EMP2: variants seen among roughly 807,000 people sequenced by gnomAD.
EMP2 encodes epithelial membrane protein 2.
A neutral mutation model predicts 13.7 loss-of-function variants in EMP2; 19 were observed. The observed-to-expected ratio is 1.38, with a 90% CI of 0.97 to 2.03. The LOEUF is 2.03. EMP2 is among the 30% of genes most tolerant of loss of function. EMP2 has a pLI of 0.00. For missense variants in EMP2, 253 were observed against 220.7 expected (o/e 1.15, Z -0.93); for synonymous variants, 97 against 84.7 (o/e 1.15, Z -0.80).
At chr16:10,554,768 C>A (rs1327098154) in intron 1 of EMP2, among the ~76,000 whole-genome samples, 7 of 152,104 alleles carry the variant, frequency 4.6e-5, no homozygotes, top group Non-Finnish European at 1.0e-4. Context: ...TGTCTCGGTT[C>A]CCCTGAACAC....
At chr16:10,572,922 T>C (rs1468991755) in intron 1 of EMP2, among the ~76,000 whole-genome samples, 2 of 152,170 alleles carry the variant, frequency 1.3e-5, no homozygotes, top group African/African-American at 4.8e-5. Flanking sequence ...CCCATCCCCA[T>C]TCCAAAGACA....
intron 1 of EMP2, among the ~76,000 whole-genome samples, chr16:10,552,527 T>C (rs915469545): frequency 5.3e-5 from 8 of 152,196 alleles, no homozygotes; most frequent in African/African-American, 1.7e-4. Flanking sequence ...CAGTCTCCAA[T>C]ACTTGCTAAT....
rs1428072190 is a variant in EMP2 at position 10,580,083 on chromosome 16, G to A, written c.-61+466C>T. Reference sequence around the variant, plus strand: ...AGAAGTCGCTCCTCGCCGCTCGGGGGCGCGACGGAGCAGCGGCGGGGGCCT... The same window carrying A: ...AGAAGTCGCTCCTCGCCGCTCGGGGACGCGACGGAGCAGCGGCGGGGGCCT... On this transcript the variant is annotated intron_variant, in intron 1 of 4. Transcript: ENST00000359543. The surrounding 1 kb of genome is among the most constrained non-coding windows in gnomAD (Gnocchi z 4.3). Among the ~76,000 whole-genome samples, 1 of 152,158 alleles carries A rather than the reference G, an allele frequency of 6.6e-6. No individual in the cohort carries two copies. Among genetic ancestry groups the A allele is most frequent in the Non-Finnish European group, 1.5e-5 (1 of 68,012 alleles).
At chr16:10,570,322 C>T (rs550216136) in intron 1 of EMP2, among the ~76,000 whole-genome samples, 96 of 151,872 alleles carry the variant, frequency 6.3e-4, no homozygotes, top group African/African-American at 2.3e-3. Context: ...AATTCCTAGC[C>T]TCAAGCAATC....
At chr16:10,553,486 C>T (rs2050804332) in intron 1 of EMP2, among the ~76,000 whole-genome samples, 1 of 152,180 alleles carries the variant, frequency 6.6e-6, no homozygotes, top group African/African-American at 2.4e-5. Flanking sequence ...TTTGCCCTTC[C>T]CGGCACCTTC....
chr16:10,538,139 G>A, intron 3 of EMP2, 65 bp from the exon 4 acceptor site: 3 of 1,577,090 alleles, frequency 1.9e-6, no homozygotes, highest in Non-Finnish European at 2.6e-6. Flanking sequence ...GGGGTACACA[G>A]CGACCGCAGC....
chr16:10,561,660 G>A (rs973091973), intron 1 of EMP2, among the ~76,000 whole-genome samples: 2 of 152,190 alleles, frequency 1.3e-5, no homozygotes. Flanking sequence ...ATCTCTCAGG[G>A]CCTGATGTTG....
chr16:10,551,847 T>A (rs1305120692), intron 1 of EMP2, among the ~76,000 whole-genome samples: 1 of 151,658 alleles, frequency 6.6e-6, no homozygotes, highest in Non-Finnish European at 1.5e-5. Flanking sequence ...ATCCCCATTA[T>A]CCCCCCACGG....
intron 1 of EMP2, among the ~76,000 whole-genome samples, chr16:10,549,729 T>TCACACA (rs71402494): frequency 0.018 from 2,703 of 149,554 alleles, 72 homozygotes; most frequent in African/African-American, 0.053. Flanking sequence ...ACACACACAC[T>TCACACA]CACACACACA....
intron 1 of EMP2, among the ~76,000 whole-genome samples, chr16:10,554,248 T>G (rs1196823859): frequency 6.6e-6 from 1 of 152,158 alleles, no homozygotes; most frequent in Non-Finnish European, 1.5e-5. Context: ...GCCAGGCTGG[T>G]CTCGACCTCC....
chr16:10,560,018 A>T (rs887128881), intron 1 of EMP2, among the ~76,000 whole-genome samples: 6 of 152,212 alleles, frequency 3.9e-5, no homozygotes, highest in African/African-American at 1.4e-4. Flanking sequence ...GAGAGGTTAG[A>T]CAACTTCCCC....
chr16:10,534,394 A>G (rs541995435), intron 4 of EMP2, among the ~76,000 whole-genome samples: 50 of 152,356 alleles, frequency 3.3e-4, no homozygotes, highest in African/African-American at 9.6e-4. Flanking sequence ...ATGTAAAAAT[A>G]GTAACTATCT....
chr16:10,567,486 G>A (rs2050914790), intron 1 of EMP2, among the ~76,000 whole-genome samples: 2 of 152,202 alleles, frequency 1.3e-5, no homozygotes, highest in South Asian at 2.1e-4. Flanking sequence ...AGGATGCTTG[G>A]GGCAGGGGGA....
At chr16:10,543,686 G>C in intron 2 of EMP2, 26 bp from the exon 3 acceptor site, 38 of 1,606,940 alleles carry the variant, frequency 2.4e-5, no homozygotes, top group Non-Finnish European at 3.0e-5. Context: ...GAAATAGAGA[G>C]AAAGGCCGTC....
rs1470758554 is a variant in EMP2 at position 10,533,609 on chromosome 16, G to A, written c.317-517C>T. On this transcript the variant is annotated intron_variant, in intron 4 of 4. Transcript: ENST00000359543. ...ATGGTCACACAAGTCTGCCACAGTA[G>A]CATGACACCACCTATAGACAATACA... Among the ~76,000 whole-genome samples, 13 of 152,274 alleles carry A rather than the reference G, an allele frequency of 8.5e-5. No individual in the cohort carries two copies. In the East Asian group the frequency reaches 2.1e-3, roughly 25 times the overall value.
In EMP2 at chr16:10,571,255, CAAAAAAAAAAAAA is replaced by C. The variant is rs58665715; in HGVS notation, c.-61+9281_-61+9293del. 4.8e-4 allele frequency among the ~76,000 whole-genome samples: 16 copies of C among 33,432 alleles called. 1 individual carries two copies. Among genetic ancestry groups the C allele is most frequent in the East Asian group, 2.0e-3 (2 of 1,014 alleles). The allele number at this position is 33,432 out of a possible 152,430, so 21.9% of individuals were successfully genotyped here. On this transcript the variant is annotated intron_variant, in intron 1 of 4. Transcript: ENST00000359543. ...CTGGTGACAGAGCAAGACTCCGTCT[CAAAAAAAAAAAAA>C]AAAAAAAAAAAAAAAGAGTTGCAGG... is the stretch of plus-strand genomic sequence containing the variant.
chr16:10,567,435 T>A (rs1233883367), intron 1 of EMP2, among the ~76,000 whole-genome samples: 1 of 152,222 alleles, frequency 6.6e-6, no homozygotes, highest in African/African-American at 2.4e-5. Context: ...AATAATTCCA[T>A]GGCTCATGAT....
rs35468276 is a variant in EMP2, at chr16:10,532,763, T to TCTG, written c.*141_*142insCAG. 4.7e-6 allele frequency: 1 copy of TCTG among 213,610 alleles called. No homozygotes were observed. The highest frequency in any genetic ancestry group is 3.7e-5 in the African/African-American group (1 of 27,040). 13.2% of individuals were successfully genotyped at this position (213,610 alleles called of 1,614,324 possible). A position where few individuals can be genotyped will look rare whatever the true frequency, so the allele number is the denominator to read the frequency against. On this transcript the variant is annotated 3_prime_UTR_variant, in exon 5 of 5. Transcript: ENST00000359543. ...GGATTTTTTTTTTCTTTTTTCTTTT[T>TCTG]TTTTTTTTTTTTTTTTTTTTTTTGG...
intron 1 of EMP2, among the ~76,000 whole-genome samples, chr16:10,552,333 T>C (rs2050794656): frequency 6.6e-6 from 1 of 151,924 alleles, no homozygotes; most frequent in African/African-American, 2.4e-5. Flanking sequence ...TTCTAGAAAA[T>C]AATAATTAAA....
Sources: gnomAD v4.1 joint callset for allele counts (sites outside exome capture counted in the v4.1 genomes callset) on GRCh38, gnomAD v4.1.1 for gene constraint, Gnocchi (gnomAD v3.1) non-coding constraint, MANE v1.5 for transcripts, NCBI Gene and HGNC (gene_info 2026-07-23, HGNC 2026-07-21) for gene names.